Variants in MYT1L observed in about 807,000 individuals in gnomAD.
MYT1L encodes the protein myelin transcription factor 1-like protein.
A neutral mutation model predicts 126.7 loss-of-function variants in MYT1L; 12 were observed. The ratio of observed to expected loss-of-function variants is 0.09; its 90% CI spans 0.06 to 0.15. The LOEUF is 0.15. MYT1L is among the 10% of genes least tolerant of loss of function. The pLI is 1.00. For synonymous variants in MYT1L, 541 were observed against 604.2 expected (o/e 0.90, Z 1.53); for missense variants, 979 against 1,585.2 (o/e 0.62, Z 6.49).
At chr2:2,221,384 T>C (rs2093866282) in intron 2 of MYT1L, among the ~76,000 whole-genome samples, 1 of 152,132 alleles carries the variant, frequency 6.6e-6, no homozygotes, top group Non-Finnish European at 1.5e-5. Context: ...AATCTGGTCC[T>C]GGTGGAGGTG....
intron 2 of MYT1L, among the ~76,000 whole-genome samples, chr2:2,242,240 C>T (rs1299792960): frequency 6.6e-6 from 1 of 152,046 alleles, no homozygotes; most frequent in Non-Finnish European, 1.5e-5. Flanking sequence ...CATCTTTTTC[C>T]CTCTGCCAAT....
At chr2:1,930,244 GGAAA>G (rs1443690175) in intron 9 of MYT1L, among the ~76,000 whole-genome samples, 1 of 152,204 alleles carries the variant, frequency 6.6e-6, no homozygotes, top group Non-Finnish European at 1.5e-5. Context: ...TCACTTGATT[GGAAA>G]GCCCACTTCT....
chr2:2,290,614 T>A (rs1414266762), intron 1 of MYT1L, among the ~76,000 whole-genome samples: 1 of 152,198 alleles, frequency 6.6e-6, no homozygotes, highest in Non-Finnish European at 1.5e-5. Flanking sequence ...TCTGTTAGCA[T>A]CCATGCCCCC....
Position 2,026,729 on chromosome 2 carries a change from C to T in MYT1L, c.-158+27249G>A, listed in dbSNP as rs139162227. On this transcript the variant is annotated intron_variant, in intron 4 of 24. Transcript: ENST00000647738. Reference sequence around the variant, plus strand: ...GTACAGGGAACCTCTCCGTCCAGGGCGGGGCCCGCTCCTCAGAGGACTCCT... The same window carrying T: ...GTACAGGGAACCTCTCCGTCCAGGGTGGGGCCCGCTCCTCAGAGGACTCCT... Among the ~76,000 whole-genome samples, 848 of 152,232 alleles carry T rather than the reference C, an allele frequency of 5.6e-3. 6 individuals are homozygous for T. The highest frequency in any genetic ancestry group is 0.019 in the African/African-American group (791 of 41,558).
At chr2:2,305,395 A>G (rs2149556503) in intron 1 of MYT1L, among the ~76,000 whole-genome samples, 1 of 152,366 alleles carries the variant, frequency 6.6e-6, no homozygotes, top group Admixed American at 6.5e-5. Context: ...GAAGTGCAAC[A>G]TCTAAATATC....
At chr2:1,974,923 C>A (rs558696924) in intron 8 of MYT1L, among the ~76,000 whole-genome samples, 4 of 152,226 alleles carry the variant, frequency 2.6e-5, no homozygotes, top group African/African-American at 7.2e-5. Context: ...ATTTCAAATT[C>A]TTCATAAACT....
chr2:1,968,308 A>G (rs2059538666), intron 8 of MYT1L, among the ~76,000 whole-genome samples: 1 of 152,060 alleles, frequency 6.6e-6, no homozygotes, highest in South Asian at 2.1e-4. Flanking sequence ...CTTCATTCAG[A>G]AGCGTGAGAA....
At chr2:2,295,135 C>T (rs1366173172) in intron 1 of MYT1L, among the ~76,000 whole-genome samples, 1 of 152,100 alleles carries the variant, frequency 6.6e-6, no homozygotes, top group African/African-American at 2.4e-5. Context: ...CGTGCTGAGG[C>T]TTCAGAGCAG....
intron 1 of MYT1L, among the ~76,000 whole-genome samples, chr2:2,289,854 C>T (rs1486657538): frequency 6.6e-6 from 1 of 152,226 alleles, no homozygotes; most frequent in Non-Finnish European, 1.5e-5. Context: ...CCCCAAACTC[C>T]AGTTCACCTG....
intron 23 of MYT1L, chr2:1,795,505 C>T (rs2033271033): frequency 6.5e-6 from 1 of 152,690 alleles, no homozygotes; most frequent in Non-Finnish European, 1.5e-5. Flanking sequence ...GTCTCCCTTC[C>T]AAACCCAACC....
At position 1,892,054 on chromosome 2, in the gene MYT1L, CCTGCGGCTTGGTGCTCAGGTT is replaced by C. The variant is rs2048957943; in HGVS notation, c.2245_2265del (p.Asn749_Gln755del). On this transcript the variant is annotated inframe_deletion, in exon 15 of 25. Transcript: ENST00000647738. ...GCGCGTACCCGCGTGGCGCACAGGT[CCTGCGGCTTGGTGCTCAGGTT>C]CTGCGGCATCTCGCGGCAGCGCGTG... The C allele has an allele frequency of 6.5e-7, 1 of 1,536,814 alleles. No individual in the cohort carries two copies. The highest frequency in any genetic ancestry group is 8.7e-7 in the Non-Finnish European group (1 of 1,144,678).
At chr2:1,858,036 G>C (rs1273451629) in intron 18 of MYT1L, among the ~76,000 whole-genome samples, 1 of 152,064 alleles carries the variant, frequency 6.6e-6, no homozygotes, top group African/African-American at 2.4e-5. Context: ...CTAATCTTTT[G>C]TATTTTTGTA....
chr2:2,288,437 G>A (rs988614672), intron 1 of MYT1L, among the ~76,000 whole-genome samples: 1 of 152,166 alleles, frequency 6.6e-6, no homozygotes, highest in African/African-American at 2.4e-5. Context: ...CATTATCTGG[G>A]TCCTCCACAT....
At chr2:2,280,903 G>C (rs1327262991) in intron 2 of MYT1L, among the ~76,000 whole-genome samples, 1 of 152,232 alleles carries the variant, frequency 6.6e-6, no homozygotes, top group African/African-American at 2.4e-5. Flanking sequence ...GAGGCTTAGA[G>C]AAGGCTGGTG....
intron 3 of MYT1L, among the ~76,000 whole-genome samples, chr2:2,150,780 G>A (rs1295606916): frequency 6.6e-6 from 1 of 150,618 alleles, no homozygotes; most frequent in African/African-American, 2.4e-5. Flanking sequence ...TCTTAAAGAA[G>A]AAAGTAGGGG....
At chr2:2,032,102 G>C (rs1435400593) in intron 4 of MYT1L, among the ~76,000 whole-genome samples, 368 of 78,466 alleles carry the variant, frequency 4.7e-3, no homozygotes, top group East Asian at 8.0e-3. Context: ...CACACCCCTC[G>C]CCAGTGCCTC....
chr2:2,186,991 A>C (rs2092259379), intron 2 of MYT1L, among the ~76,000 whole-genome samples: 1 of 152,170 alleles, frequency 6.6e-6, no homozygotes, highest in Non-Finnish European at 1.5e-5. Context: ...CAAAATAAAG[A>C]ATTTTTTTCT....
intron 10 of MYT1L, among the ~76,000 whole-genome samples, chr2:1,918,933 A>C (rs547781525): frequency 6.6e-6 from 1 of 152,344 alleles, no homozygotes; most frequent in South Asian, 2.1e-4. Context: ...ATTACTGTAG[A>C]TATAAATCAC....
At chr2:1,925,994 C>G (rs1296024435) in intron 9 of MYT1L, among the ~76,000 whole-genome samples, 1 of 152,102 alleles carries the variant, frequency 6.6e-6, no homozygotes, top group Non-Finnish European at 1.5e-5. Flanking sequence ...GAGAGCAGCC[C>G]GTTGGTAGAA....
Sources: gnomAD v4.1 joint callset for allele counts (sites outside exome capture counted in the v4.1 genomes callset) on GRCh38, gnomAD v4.1.1 for gene constraint, MANE v1.5 for transcripts, NCBI Gene and HGNC (gene_info 2026-07-23, HGNC 2026-07-21) for gene names.